Variants in ST13 observed in about 807,000 individuals in gnomAD.
ST13 encodes the protein ST13 Hsp70 interacting protein, also known as hsc70-interacting protein.
A neutral mutation model predicts 56.7 loss-of-function variants in ST13; 23 were observed. That is an observed-to-expected ratio of 0.41 (90% CI 0.29 to 0.57). The LOEUF is 0.57. Among genes scored for constraint, ST13 ranks in the 20% least tolerant of loss-of-function variants. The probability of loss-of-function intolerance (pLI) is 0.36; values close to 1 mark genes in which losing one functional copy is unlikely to be tolerated. For missense variants in ST13, 369 were observed against 459.9 expected, an observed-to-expected ratio of 0.80 and a Z score of 1.81; for synonymous variants, 132 against 142.4, an observed-to-expected ratio of 0.93 and a Z score of 0.52.
In ST13 at chr22:40,856,606, G is replaced by C. The variant is rs2057898851; in HGVS notation, c.-66C>G. On this transcript the variant is annotated 5_prime_UTR_variant, in exon 1 of 12. Coordinates refer to ENST00000216218, the MANE Select transcript of ST13 (RefSeq NM_003932.5). ...GGTTCCAGGCCCAGGCGCTGGCTCG[G>C]CGTGACCGCGCAGAAGGGGGCGGCT... 1.5e-6 allele frequency: 2 copies of C among 1,335,098 alleles called. No homozygotes were observed. The highest frequency in any genetic ancestry group is 2.1e-6 in the Non-Finnish European group (2 of 932,528). 82.7% of individuals were successfully genotyped at this position (1,335,098 alleles called of 1,614,324 possible).
intron 4 of ST13, among the ~76,000 whole-genome samples, chr22:40,841,826 C>T (rs1358009335): frequency 6.6e-6 from 1 of 151,796 alleles, no homozygotes; most frequent in East Asian, 1.9e-4. Context: ...CTCTTGGACT[C>T]AAGTGAGTTG....
In ST13 at chr22:40,826,631, A is replaced by G. The variant is rs1384488692; in HGVS notation, c.1017T>C (p.Ala339=). ...ATTTTGACATATTTGCTGGGTTCTG[A>G]GCCACATCCTGGAAAGCCACCATAA... ...PEVMVAFQDV[A]QNPANMSKYQ... is the part of the protein sequence containing the mutation. Residue 339 remains alanine, a synonymous_variant, in exon 12 of 12, where the codon GCT becomes GCC. Transcript: ENST00000216218. The G allele has an allele frequency of 6.2e-7, 1 of 1,608,684 alleles. No individual in the cohort carries two copies. Among genetic ancestry groups the G allele is most frequent in the Non-Finnish European group, 8.5e-7 (1 of 1,179,810 alleles).
At chr22:40,835,711 A>G (rs1283328104) in intron 6 of ST13, 41 bp from the exon 7 acceptor site, 2 of 1,603,308 alleles carry the variant, frequency 1.2e-6, no homozygotes, top group East Asian at 2.2e-5. Flanking sequence ...TCATTTCAGT[A>G]AAAGTTTTGG....
At chr22:40,830,710 G>T in intron 9 of ST13, 130 bp downstream of exon 9, 1 of 489,092 alleles carries the variant, frequency 2.0e-6, no homozygotes. Flanking sequence ...CTCCCCATAA[G>T]TAATATCATT....
chr22:40,840,523 GT>G lies in ST13; in HGVS notation c.382+102del, dbSNP rs2057798405. On this transcript the variant is annotated intron_variant, in intron 5 of 11. Transcript: ENST00000216218. ...GGATAATAGGACACTATCTTCTCCA[GT>G]ATAGGACAGGTACATGTAACTTCTC... is the stretch of plus-strand genomic sequence containing the variant. The G allele has an allele frequency of 3.0e-6, 3 of 988,634 alleles. No individual in the cohort carries two copies. The African/African-American group carries it at 4.9e-5, about 16-fold the overall frequency. The allele number at this position is 988,634 out of a possible 1,614,324, so 61.2% of individuals were successfully genotyped here. A position where few individuals can be genotyped will look rare whatever the true frequency, so the allele number is the denominator to read the frequency against.
At chr22:40,831,309 G>C (rs2057752753) in intron 8 of ST13, among the ~76,000 whole-genome samples, 1 of 152,212 alleles carries the variant, frequency 6.6e-6, no homozygotes, top group Non-Finnish European at 1.5e-5. Context: ...GAATTCAGTA[G>C]GAAGAGTATT....
intron 4 of ST13, among the ~76,000 whole-genome samples, chr22:40,841,218 A>C (rs948396427): frequency 3.3e-5 from 5 of 151,868 alleles, no homozygotes; most frequent in African/African-American, 7.3e-5. Flanking sequence ...AAAAAAAAAA[A>C]AACAAGCTGG....
chr22:40,829,521 TAA>T (rs1055849503), intron 10 of ST13, 103 bp downstream of exon 10: 107 of 513,720 alleles, frequency 2.1e-4, no homozygotes, highest in African/African-American at 2.0e-3. Context: ...TATCACTGTA[TAA>T]GAGAACAAAA....
chr22:40,833,040 A>G (rs2057761083), intron 7 of ST13, among the ~76,000 whole-genome samples: 1 of 152,234 alleles, frequency 6.6e-6, no homozygotes, highest in Non-Finnish European at 1.5e-5. Context: ...AGAAGAGAAA[A>G]TAATACATGT....
chr22:40,851,410 C>T (rs1046029453), intron 1 of ST13, among the ~76,000 whole-genome samples: 1 of 152,172 alleles, frequency 6.6e-6, no homozygotes, highest in African/African-American at 2.4e-5. Flanking sequence ...AGATTTTCTC[C>T]TTATACACCC....
chr22:40,836,151 C>T (rs2057776221), intron 5 of ST13, among the ~76,000 whole-genome samples: 1 of 152,098 alleles, frequency 6.6e-6, no homozygotes, highest in African/African-American at 2.4e-5. Flanking sequence ...CCATATTGAT[C>T]TTGTTTAAGG....
At chr22:40,831,089 A>C (rs2057751786) in intron 8 of ST13, 133 bp from the exon 9 acceptor site, 1 of 629,474 alleles carries the variant, frequency 1.6e-6, no homozygotes, top group Non-Finnish European at 2.7e-6. Context: ...GTACAAAAAG[A>C]CCTAACACAA....
At chr22:40,840,543 ACTTCT>A in intron 5 of ST13, 78 bp downstream of exon 5, 1 of 1,233,770 alleles carries the variant, frequency 8.1e-7, no homozygotes, top group South Asian at 1.3e-5. Flanking sequence ...GGTACATGTA[ACTTCT>A]CTTCTACTTT....
chr22:40,835,671 C>G lies in ST13; in HGVS notation c.468-1G>C. ...TGGCTTCTGTAATTTGACGAAGACA[C>G]TGAAAAATAAGTGTGTTATTAAAAA... On this transcript the variant is annotated splice_acceptor_variant, in intron 6 of 11. Coordinates refer to ENST00000216218, the MANE Select transcript of ST13 (RefSeq NM_003932.5). LOFTEE classifies it high-confidence loss of function. 6.2e-7 allele frequency: 1 copy of G among 1,612,896 alleles called. No individual in the cohort carries two copies. Among genetic ancestry groups the G allele is most frequent in the Non-Finnish European group, 8.5e-7 (1 of 1,178,948 alleles).
Position 40,850,816 on chromosome 22 carries a change from A to G in ST13, c.168+7T>C. 6.3e-7 allele frequency: 1 copy of G among 1,599,470 alleles called. No homozygotes were observed. ...TCACAAAACATACAAATGAAATTAA[A>G]ACTTACCTTGGTATTTTCTTCTGAT... On this transcript the variant is annotated splice_region_variant and intron_variant, in intron 2 of 11. Coordinates refer to ENST00000216218, the MANE Select transcript of ST13 (RefSeq NM_003932.5).
intron 8 of ST13, among the ~76,000 whole-genome samples, chr22:40,831,808 G>A (rs1238083985): frequency 1.3e-5 from 2 of 152,052 alleles, no homozygotes; most frequent in African/African-American, 4.8e-5. Context: ...TTAAAAGCTG[G>A]AATGTTCTAC....
At chr22:40,837,018 G>A (rs1157650229) in intron 5 of ST13, among the ~76,000 whole-genome samples, 1 of 152,154 alleles carries the variant, frequency 6.6e-6, no homozygotes, top group Non-Finnish European at 1.5e-5. Context: ...GCCTCACTGT[G>A]TCACCTAGGC....
chr22:40,844,190 T>C (rs1173987355), intron 4 of ST13, among the ~76,000 whole-genome samples: 1 of 151,960 alleles, frequency 6.6e-6, no homozygotes, highest in African/African-American at 2.4e-5. Context: ...GCCAGGAAAA[T>C]GCAAATTAAA....
intron 7 of ST13, among the ~76,000 whole-genome samples, chr22:40,833,340 C>T (rs182973125): frequency 2.6e-5 from 4 of 151,848 alleles, no homozygotes; most frequent in African/African-American, 7.3e-5. Flanking sequence ...GAGGCCGAGG[C>T]GGGCAGAACG....
Sources: gnomAD v4.1 joint callset for allele counts (sites outside exome capture counted in the v4.1 genomes callset) on GRCh38, gnomAD v4.1.1 for gene constraint, MANE v1.5 for transcripts, NCBI Gene and HGNC (gene_info 2026-07-23, HGNC 2026-07-21) for gene names.